The following CCSER1 variants were observed in gnomAD, a reference collection of about 807,000 sequenced individuals.
CCSER1 encodes serine-rich coiled-coil domain-containing protein 1.
CCSER1 carries 41 observed loss-of-function variants against 82.0 expected under a neutral mutation model. The observed-to-expected ratio is 0.50, with a 90% CI of 0.39 to 0.65. The LOEUF (loss-of-function observed/expected upper bound fraction) is 0.65. CCSER1 is among the 30% of genes least tolerant of loss of function. The pLI is 0.00. For missense variants in CCSER1, 1,119 were observed against 1,064.2 expected (o/e 1.05, Z -0.72); for synonymous variants, 414 against 383.9 (o/e 1.08, Z -0.92).
chr4:90,945,440 C>G (rs1732121673), intron 9 of CCSER1, among the ~76,000 whole-genome samples: 3 of 152,222 alleles, frequency 2.0e-5, no homozygotes, highest in Non-Finnish European at 4.4e-5. Context: ...TTGCCTTTCT[C>G]AAAATACTTC....
chr4:90,420,258 A>AAG (rs1756480539), intron 4 of CCSER1, among the ~76,000 whole-genome samples: 1 of 152,028 alleles, frequency 6.6e-6, no homozygotes, highest in Non-Finnish European at 1.5e-5. Flanking sequence ...TGAACTTATT[A>AAG]ATTAAAATAG....
chr4:90,316,419 G>T (rs1736171703), intron 3 of CCSER1, among the ~76,000 whole-genome samples: 1 of 152,118 alleles, frequency 6.6e-6, no homozygotes, highest in East Asian at 1.9e-4. Flanking sequence ...CTAAGTCTAG[G>T]CTGCAGCATT....
chr4:91,276,470 C>T (rs1313462260), intron 10 of CCSER1, among the ~76,000 whole-genome samples: 1 of 151,878 alleles, frequency 6.6e-6, no homozygotes, highest in African/African-American at 2.4e-5. Flanking sequence ...TATAACACTA[C>T]TGATTTTTGT....
At chr4:90,484,526 A>G (rs1246984317) in intron 5 of CCSER1, among the ~76,000 whole-genome samples, 1 of 151,992 alleles carries the variant, frequency 6.6e-6, no homozygotes, top group Non-Finnish European at 1.5e-5. Context: ...GTCTTTGATG[A>G]TGGTGACATA....
At chr4:90,296,013 AC>A (rs773577650) in intron 1 of CCSER1, among the ~76,000 whole-genome samples, 7 of 152,078 alleles carry the variant, frequency 4.6e-5, no homozygotes, top group South Asian at 2.1e-4. Context: ...ATAAAAAAAA[AC>A]AACTGCTCTT....
At chr4:91,466,406 G>T (rs573436275) in intron 10 of CCSER1, among the ~76,000 whole-genome samples, 2 of 152,240 alleles carry the variant, frequency 1.3e-5, no homozygotes, top group South Asian at 4.1e-4. Context: ...CATATTGAAT[G>T]GGCAGAAAGT....
intron 3 of CCSER1, among the ~76,000 whole-genome samples, chr4:90,398,561 A>T (rs1241156564): frequency 6.6e-6 from 1 of 151,700 alleles, no homozygotes; most frequent in East Asian, 1.9e-4. Context: ...AACTTCAATT[A>T]TGTTTTGTTG....
chr4:91,043,249 A>G (rs1257809594), intron 9 of CCSER1, among the ~76,000 whole-genome samples: 1 of 152,128 alleles, frequency 6.6e-6, no homozygotes, highest in East Asian at 1.9e-4. Context: ...TATGAAAATA[A>G]TCATAGAAAA....
intron 10 of CCSER1, among the ~76,000 whole-genome samples, chr4:91,249,729 C>T (rs1740105221): frequency 6.6e-6 from 1 of 152,076 alleles, no homozygotes. Flanking sequence ...TTGGTAGTTT[C>T]CATATAACCA....
At chr4:90,986,354 A>G (rs1310309593) in intron 9 of CCSER1, among the ~76,000 whole-genome samples, 1 of 151,766 alleles carries the variant, frequency 6.6e-6, no homozygotes, top group Non-Finnish European at 1.5e-5. Flanking sequence ...GAATATTTCT[A>G]TTTGAGTAGA....
At chr4:90,152,887 T>A (rs1008087220) in intron 1 of CCSER1, among the ~76,000 whole-genome samples, 8 of 151,756 alleles carry the variant, frequency 5.3e-5, no homozygotes, top group Non-Finnish European at 1.0e-4. Context: ...TTTTTAATTT[T>A]ATTTTTTATT....
At chr4:91,008,743 G>A (rs13146698) in intron 9 of CCSER1, among the ~76,000 whole-genome samples, 9,965 of 152,122 alleles carry the variant, frequency 0.066, 458 homozygotes, top group East Asian at 0.2. Context: ...TGATGTTACC[G>A]GGTGGTCCTT....
chr4:90,871,479 G>C (rs1766490916), intron 8 of CCSER1, among the ~76,000 whole-genome samples: 1 of 151,776 alleles, frequency 6.6e-6, no homozygotes, highest in Admixed American at 6.6e-5. Flanking sequence ...AGTTTTCAGA[G>C]ATCCTCTTGT....
At chr4:91,061,600 G>A (rs1187897242) in intron 9 of CCSER1, among the ~76,000 whole-genome samples, 2 of 151,930 alleles carry the variant, frequency 1.3e-5, no homozygotes, top group African/African-American at 4.8e-5. Flanking sequence ...GCTATAACAA[G>A]CTTCATTTCA....
intron 7 of CCSER1, among the ~76,000 whole-genome samples, chr4:90,790,720 G>A (rs537783073): frequency 1.3e-5 from 2 of 152,082 alleles, no homozygotes; most frequent in African/African-American, 4.8e-5. Flanking sequence ...TCAGCATTTT[G>A]GTCAAAGTCA....
intron 8 of CCSER1, among the ~76,000 whole-genome samples, chr4:90,899,747 C>A (rs1358616504): frequency 6.6e-6 from 1 of 151,998 alleles, no homozygotes; most frequent in Non-Finnish European, 1.5e-5. Context: ...TGATAAATCA[C>A]GATGATTGAT....
intron 9 of CCSER1, among the ~76,000 whole-genome samples, chr4:91,011,039 C>G (rs1476584893): frequency 7.4e-6 from 1 of 134,414 alleles, no homozygotes; most frequent in Non-Finnish European, 1.7e-5. Context: ...GAAATTACTT[C>G]TTCCAAATTT....
At chr4:91,389,145 G>T (rs1223040195) in intron 10 of CCSER1, among the ~76,000 whole-genome samples, 1 of 151,932 alleles carries the variant, frequency 6.6e-6, no homozygotes, top group African/African-American at 2.4e-5. Flanking sequence ...TATACCTAAG[G>T]TTATCTAGGT....
At position 90,308,567 on chromosome 4, in the gene CCSER1, C is replaced by A; in HGVS notation, c.283C>A (p.Pro95Thr). 6.2e-7 allele frequency: 1 copy of A among 1,613,888 alleles called. No individual in the cohort carries two copies. The highest frequency in any genetic ancestry group is 8.5e-7 in the Non-Finnish European group (1 of 1,179,848). ...QNLSISNGAQ[P>T]GHSNMQKLSL... ...CCTTAGTATTTCAAATGGTGCTCAACCTGGTCACAGCAATATGCAGAAACT... is the reference window on the plus strand; with the variant it reads ...CCTTAGTATTTCAAATGGTGCTCAAACTGGTCACAGCAATATGCAGAAACT... The change falls in exon 2 of 11, where the codon CCT becomes ACT. Residue 95 changes from proline (P) to threonine (T), a missense_variant. By Grantham distance (38) the Pro-to-Thr change is conservative. Coordinates refer to ENST00000509176, the MANE Select transcript of CCSER1 (RefSeq NM_001145065.2).
Sources: gnomAD v4.1 joint callset for allele counts (sites outside exome capture counted in the v4.1 genomes callset) on GRCh38, gnomAD v4.1.1 for gene constraint, MANE v1.5 for transcripts, NCBI Gene and HGNC (gene_info 2026-07-23, HGNC 2026-07-21) for gene names.